Variants in MSRA observed in about 807,000 individuals in gnomAD.
The protein encoded by MSRA is methionine sulfoxide reductase A.
Under a neutral mutation model 31.3 loss-of-function variants are expected in MSRA, and 54 were observed. That is an observed-to-expected ratio of 1.73 (90% CI 1.39 to 2.17). The LOEUF is 2.17. Among genes scored for constraint, MSRA ranks in the 30% most tolerant of loss-of-function variants. The probability of loss-of-function intolerance (pLI) is 0.00; values close to 1 mark genes in which losing one functional copy is unlikely to be tolerated. For missense variants in MSRA, 507 were observed against 300.9 expected, an observed-to-expected ratio of 1.69 and a Z score of -5.07; for synonymous variants, 169 against 116.5, an observed-to-expected ratio of 1.45 and a Z score of -2.90.
At position 10,428,144 on chromosome 8, in the gene MSRA, A is replaced by G; in HGVS notation, c.544-4A>G. 1 of 1,610,982 alleles carries G rather than the reference A, an allele frequency of 6.2e-7. No homozygotes were observed. Among genetic ancestry groups the G allele is most frequent in the Non-Finnish European group, 8.5e-7 (1 of 1,179,216 alleles). On this transcript the variant is annotated splice_region_variant and splice_polypyrimidine_tract_variant and intron_variant, in intron 5 of 5. Transcript: ENST00000317173. Reference sequence around the variant, plus strand: ...GCTGATGGCGCCTTTCTGTGTCCCCACAGGTTCTTTCAGAGCACGGCTTCG... The same window carrying G: ...GCTGATGGCGCCTTTCTGTGTCCCCGCAGGTTCTTTCAGAGCACGGCTTCG...
At chr8:10,310,112 G>A (rs1020452406) in intron 4 of MSRA, among the ~76,000 whole-genome samples, 3 of 152,186 alleles carry the variant, frequency 2.0e-5, no homozygotes, top group Admixed American at 6.5e-5. Flanking sequence ...TAAGTCACCA[G>A]TTTTGAAGGA....
intron 5 of MSRA, among the ~76,000 whole-genome samples, chr8:10,341,264 G>A (rs570255218): frequency 6.6e-6 from 1 of 152,112 alleles, no homozygotes; most frequent in Non-Finnish European, 1.5e-5. Context: ...TCGGCTCCTA[G>A]GGAGGCCTCA....
intron 5 of MSRA, among the ~76,000 whole-genome samples, chr8:10,384,825 G>C (rs146120051): frequency 3.3e-5 from 5 of 152,202 alleles, no homozygotes; most frequent in Non-Finnish European, 7.4e-5. Context: ...TTGGACAACA[G>C]AGCAAAACTC....
At chr8:10,370,509 T>TTG in intron 5 of MSRA, among the ~76,000 whole-genome samples, 1 of 152,314 alleles carries the variant, frequency 6.6e-6, no homozygotes, top group Middle Eastern at 3.4e-3. Flanking sequence ...GTAATGTTGG[T>TTG]TGTCATTTAA....
At chr8:10,297,208 T>C (rs1800592543) in intron 3 of MSRA, among the ~76,000 whole-genome samples, 1 of 152,160 alleles carries the variant, frequency 6.6e-6, no homozygotes, top group Non-Finnish European at 1.5e-5. Context: ...ATTGGATGCT[T>C]CGTCTAATCC....
At chr8:10,378,203 T>A (rs1028876320) in intron 5 of MSRA, among the ~76,000 whole-genome samples, 9 of 152,312 alleles carry the variant, frequency 5.9e-5, no homozygotes, top group African/African-American at 2.2e-4. Flanking sequence ...GCTTCTCCCC[T>A]CTGGGCCTTG....
At chr8:10,059,651 C>G (rs1283772701) in intron 1 of MSRA, among the ~76,000 whole-genome samples, 1 of 152,128 alleles carries the variant, frequency 6.6e-6, no homozygotes, top group Non-Finnish European at 1.5e-5. Flanking sequence ...TAAATTAGAT[C>G]ATATCACAGT....
At chr8:10,077,098 A>G (rs1798030780) in intron 1 of MSRA, among the ~76,000 whole-genome samples, 1 of 152,050 alleles carries the variant, frequency 6.6e-6, no homozygotes. Context: ...TTATGTGGAA[A>G]AAGTAGTTAG....
At chr8:10,132,280 T>G (rs1231498545) in intron 1 of MSRA, among the ~76,000 whole-genome samples, 1 of 152,242 alleles carries the variant, frequency 6.6e-6, no homozygotes, top group African/African-American at 2.4e-5. Context: ...CAATGTTAGA[T>G]TCTTGCTCCA....
intron 5 of MSRA, among the ~76,000 whole-genome samples, chr8:10,342,021 G>C (rs1300609364): frequency 6.6e-6 from 1 of 152,182 alleles, no homozygotes; most frequent in South Asian, 2.1e-4. Context: ...TTAACTGTGA[G>C]GTCCTCATCT....
intron 4 of MSRA, among the ~76,000 whole-genome samples, chr8:10,309,299 C>G (rs967850148): frequency 6.6e-6 from 1 of 152,272 alleles, no homozygotes; most frequent in Non-Finnish European, 1.5e-5. Flanking sequence ...TTCTCAGTGT[C>G]GGGGCGCACA....
At chr8:10,147,138 T>C (rs1225586501) in intron 1 of MSRA, among the ~76,000 whole-genome samples, 1 of 152,092 alleles carries the variant, frequency 6.6e-6, no homozygotes, top group African/African-American at 2.4e-5. Context: ...CCCGGTGCTG[T>C]CTGGATGTGG....
intron 2 of MSRA, among the ~76,000 whole-genome samples, chr8:10,242,543 T>C (rs1349056078): frequency 1.3e-5 from 2 of 152,158 alleles, no homozygotes; most frequent in South Asian, 2.1e-4. Context: ...CATTGAAATA[T>C]ATGTTTGTTT....
At chr8:10,177,201 G>A (rs1027841722) in intron 1 of MSRA, among the ~76,000 whole-genome samples, 1 of 152,214 alleles carries the variant, frequency 6.6e-6, no homozygotes, top group African/African-American at 2.4e-5. Flanking sequence ...TGAACCTCCT[G>A]TGACTTGGAA....
chr8:10,353,644 G>A, intron 5 of MSRA: 1 of 456,246 alleles, frequency 2.2e-6, no homozygotes, highest in Non-Finnish European at 4.4e-6. Context: ...TGGAAGAAGA[G>A]AACACAGACT....
At chr8:10,327,701 A>G (rs1802441638) in intron 5 of MSRA, among the ~76,000 whole-genome samples, 2 of 152,124 alleles carry the variant, frequency 1.3e-5, no homozygotes, top group African/African-American at 4.8e-5. Context: ...TGGGAAGCCA[A>G]GGCAGGTGGA....
intron 5 of MSRA, among the ~76,000 whole-genome samples, chr8:10,397,207 G>A (rs1260800414): frequency 3.9e-5 from 6 of 152,164 alleles, no homozygotes; most frequent in African/African-American, 1.2e-4. Context: ...ATTTGTGTGA[G>A]CCATCTCTAA....
chr8:10,178,527 C>T (rs997398020), intron 1 of MSRA, among the ~76,000 whole-genome samples: 5 of 152,096 alleles, frequency 3.3e-5, no homozygotes, highest in South Asian at 2.1e-4. Context: ...TTTTATAATG[C>T]GGAAACTACC....
intron 5 of MSRA, among the ~76,000 whole-genome samples, chr8:10,328,054 G>GTT (rs1563356091): frequency 3.4e-5 from 2 of 58,946 alleles, no homozygotes; most frequent in Non-Finnish European, 5.7e-5. Flanking sequence ...TTTTTTTTTA[G>GTT]TATCAGTGAC....
Sources: gnomAD v4.1 joint callset for allele counts (sites outside exome capture counted in the v4.1 genomes callset) on GRCh38, gnomAD v4.1.1 for gene constraint, MANE v1.5 for transcripts, NCBI Gene and HGNC (gene_info 2026-07-23, HGNC 2026-07-21) for gene names.